Variants in RXFP2 observed in about 807,000 individuals in gnomAD.
RXFP2 encodes relaxin receptor 2.
Under a neutral mutation model 88.6 loss-of-function variants are expected in RXFP2, and 68 were observed. The observed-to-expected ratio is 0.77, with a 90% confidence interval of 0.63 to 0.94. The LOEUF (loss-of-function observed/expected upper bound fraction) is 0.94, where lower values mean the gene tolerates loss of function less well. Ranked by LOEUF, RXFP2 falls within the 40% of genes least tolerant of loss-of-function variation. RXFP2 has a pLI of 0.00. For synonymous variants in RXFP2, 329 were observed against 306.8 expected, an observed-to-expected ratio of 1.07 and a Z score of -0.76; for missense variants, 791 against 893.9, an observed-to-expected ratio of 0.88 and a Z score of 1.47.
chr13:31,792,159 T>A (rs1479363577), intron 15 of RXFP2, 124 bp downstream of exon 15: 1 of 714,714 alleles, frequency 1.4e-6, no homozygotes, highest in African/African-American at 1.8e-5. Flanking sequence ...CCTGGGCACA[T>A]TTTTTTTTCT....
chr13:31,747,241 G>C (rs375158934), intron 1 of RXFP2, among the ~76,000 whole-genome samples: 3 of 151,950 alleles, frequency 2.0e-5, no homozygotes, highest in Non-Finnish European at 4.4e-5. Flanking sequence ...AAAATTATAT[G>C]GGCCACCTTA....
Position 31,785,381 on chromosome 13 carries a change from CTG to C in RXFP2, c.930-999_930-998del, listed in dbSNP as rs1442279840. On this transcript the variant is annotated intron_variant, in intron 11 of 17. Coordinates refer to ENST00000298386, the MANE Select transcript of RXFP2 (RefSeq NM_130806.5). ...GAAAGTGTCACTGAATTCCAAGCATCTGTGGTTCAGATCATTTTTTACACCCA... is the reference window on the plus strand; with the variant it reads ...GAAAGTGTCACTGAATTCCAAGCATCTGGTTCAGATCATTTTTTACACCCA... Among the ~76,000 whole-genome samples, 8 of 152,252 alleles carry C rather than the reference CTG, an allele frequency of 5.3e-5. No homozygotes were observed. The East Asian group carries it at 1.5e-3, about 29-fold the overall frequency.
chr13:31,778,474 A>G, intron 8 of RXFP2, 38 bp from the exon 9 acceptor site: 1 of 1,366,224 alleles, frequency 7.3e-7, no homozygotes, highest in Non-Finnish European at 1.0e-6. Context: ...AAAGTGTCAT[A>G]TCATTTTATT....
chr13:31,786,985 C>A (rs988742923), intron 13 of RXFP2, among the ~76,000 whole-genome samples: 2 of 152,318 alleles, frequency 1.3e-5, no homozygotes, highest in South Asian at 2.1e-4. Context: ...GCCTGCTTTT[C>A]CCCTTTGCCC....
chr13:31,788,077 C>T (rs1873629955), intron 13 of RXFP2, among the ~76,000 whole-genome samples: 1 of 147,352 alleles, frequency 6.8e-6, no homozygotes, highest in African/African-American at 2.5e-5. Context: ...GGTTAGTAAT[C>T]AAATAATCAC....
rs771377460 is a variant in RXFP2 at position 31,791,833 on chromosome 13, C to T, written c.1173C>T (p.Ser391=). Residue 391 remains serine (S), a synonymous_variant, in exon 15 of 18, where the codon TCC becomes TCT. Transcript: ENST00000298386. ...ATTTCAAAAACTTTCGATACTGCTCCTATGCTCCCCATGTCCGAATATGTA... is the reference window on the plus strand; with the variant it reads ...ATTTCAAAAACTTTCGATACTGCTCTTATGCTCCCCATGTCCGAATATGTA... ...HIYFKNFRYC[S]YAPHVRICMP... The T allele has an allele frequency of 3.7e-6, 6 of 1,614,120 alleles. No individual in the cohort carries two copies. The East Asian group carries it at 6.7e-5, about 18-fold the overall frequency.
chr13:31,778,006 A>G (rs1873077093), intron 8 of RXFP2, among the ~76,000 whole-genome samples: 1 of 152,198 alleles, frequency 6.6e-6, no homozygotes, highest in Non-Finnish European at 1.5e-5. Context: ...GTCAAAAGGA[A>G]CCACAATATC....
chr13:31,758,368 G>A lies in RXFP2; in HGVS notation c.205G>A (p.Asp69Asn). ...CCGAGCTTTTCACTGTGATGGCAAG[G>A]ATGACTGTGGGAACGGGGCGGACGA... ...LPRAFHCDGKDDCGNGADEEN... is the reference protein window; with the variant it reads ...LPRAFHCDGKNDCGNGADEEN... The change falls in exon 2 of 18, where the codon GAT becomes AAT. Residue 69 changes from aspartate (D) to asparagine (N), a missense_variant. Coordinates refer to ENST00000298386, the MANE Select transcript of RXFP2 (RefSeq NM_130806.5). The A allele has an allele frequency of 6.2e-7, 1 of 1,614,134 alleles. No homozygotes were observed. Among genetic ancestry groups the A allele is most frequent in the South Asian group, 1.1e-5 (1 of 91,084 alleles).
intron 1 of RXFP2, among the ~76,000 whole-genome samples, chr13:31,756,481 G>C (rs536668138): frequency 2.0e-5 from 3 of 152,186 alleles, no homozygotes; most frequent in African/African-American, 7.2e-5. Flanking sequence ...AGGGAATTCT[G>C]GGTCATGATG....
At chr13:31,758,884 A>C (rs1872107917) in intron 2 of RXFP2, among the ~76,000 whole-genome samples, 1 of 151,896 alleles carries the variant, frequency 6.6e-6, no homozygotes, top group Non-Finnish European at 1.5e-5. Flanking sequence ...CTGAAAATAC[A>C]AAAAAATTAA....
At chr13:31,778,618 C>T (rs1371741892) in intron 9 of RXFP2, 35 bp downstream of exon 9, 6 of 1,421,718 alleles carry the variant, frequency 4.2e-6, no homozygotes, top group Non-Finnish European at 6.0e-6. Flanking sequence ...TTGTTATTTG[C>T]CCTGATTAAG....
Position 31,739,716 on chromosome 13 carries a change from C to T in RXFP2, c.94+10C>T. On this transcript the variant is annotated intron_variant, in intron 1 of 17. Coordinates refer to ENST00000298386, the MANE Select transcript of RXFP2 (RefSeq NM_130806.5). ...CTGATCAATGTCAAAGGTAAGGTTG[C>T]TACTTTCTCGTTTTAAATGAGTGCA... is the stretch of plus-strand genomic sequence containing the variant. The T allele has an allele frequency of 6.4e-7, 1 of 1,560,184 alleles. No homozygotes were observed. Among genetic ancestry groups the T allele is most frequent in the Non-Finnish European group, 8.8e-7 (1 of 1,131,164 alleles).
At chr13:31,791,735 C>A (rs2138456847) in intron 14 of RXFP2, 71 bp from the exon 15 acceptor site, 1 of 1,045,234 alleles carries the variant, frequency 9.6e-7, no homozygotes, top group Non-Finnish European at 1.5e-6. Context: ...GAGTTGCAGC[C>A]CCGATAGGAC....
At position 31,789,192 on chromosome 13, in the gene RXFP2, A is replaced by C; in HGVS notation, c.1144A>C (p.Ile382Leu). ...MFQPMKNLSH[I>L]YFKNFRYCSY... The stretch of plus-strand genomic sequence containing the variant: ...TCAACCCATGAAGAATCTTTCTCAC[A>C]TGTACGTATGTATAAAAAATGGAGG... The change falls in exon 14 of 18, where the codon ATT becomes CTT. Residue 382 changes from isoleucine to leucine, a missense_variant and splice_region_variant. Physicochemically the swap from Ile to Leu is conservative, Grantham distance 5 (BLOSUM62 2). Coordinates refer to ENST00000298386, the MANE Select transcript of RXFP2 (RefSeq NM_130806.5). 6.3e-7 allele frequency: 1 copy of C among 1,576,748 alleles called. No homozygotes were observed. Among genetic ancestry groups the C allele is most frequent in the Non-Finnish European group, 8.7e-7 (1 of 1,147,638 alleles).
intron 11 of RXFP2, among the ~76,000 whole-genome samples, chr13:31,785,828 A>G (rs1246464168): frequency 2.0e-5 from 3 of 152,128 alleles, no homozygotes; most frequent in Admixed American, 2.0e-4. Flanking sequence ...TGGATTGGAC[A>G]GTCCTATTAT....
In RXFP2 at chr13:31,802,738, T is replaced by G. The variant is rs938596427; in HGVS notation, c.*333T>G. On this transcript the variant is annotated 3_prime_UTR_variant, in exon 18 of 18. Coordinates refer to ENST00000298386, the MANE Select transcript of RXFP2 (RefSeq NM_130806.5). ...GGTTGGCACTGTGTGGTCTTTCACA[T>G]CGGGTTGCACTGTCCATGAAATAGA... 6 of 348,242 alleles carry G rather than the reference T, an allele frequency of 1.7e-5. No individual in the cohort carries two copies. The highest frequency in any genetic ancestry group is 1.3e-4 in the African/African-American group (6 of 47,628). 21.6% of individuals were successfully genotyped at this position (348,242 alleles called of 1,614,324 possible).
At chr13:31,750,540 C>T (rs2138390287) in intron 1 of RXFP2, among the ~76,000 whole-genome samples, 1 of 152,132 alleles carries the variant, frequency 6.6e-6, no homozygotes, top group Non-Finnish European at 1.5e-5. Flanking sequence ...ATCTAGAAAC[C>T]TCTGATCTAA....
chr13:31,786,554 T>TAAA lies in RXFP2; in HGVS notation c.1002-4_1002-2dup, dbSNP rs71941366. On this transcript the variant is annotated splice_polypyrimidine_tract_variant and intron_variant, in intron 12 of 17. Coordinates refer to ENST00000298386, the MANE Select transcript of RXFP2 (RefSeq NM_130806.5). ...CTTCTTTTCCTCTCTCATCTAATGG[T>TAAA]AAAAAAAAAAGGAACCTGTCATCCA... The TAAA allele has an allele frequency of 0.092, 136,061 of 1,478,588 alleles. 1,608 individuals carry two copies. The highest frequency in any genetic ancestry group is 0.35 in the East Asian group (14,752 of 42,512). 91.6% of individuals were successfully genotyped at this position (1,478,588 alleles called of 1,614,324 possible).
intron 1 of RXFP2, among the ~76,000 whole-genome samples, chr13:31,744,289 C>T (rs1871321746): frequency 6.6e-6 from 1 of 152,192 alleles, no homozygotes; most frequent in Non-Finnish European, 1.5e-5. Flanking sequence ...CCTTTGCCTA[C>T]AAAATCTGGT....
Sources: allele counts gnomAD v4.1 joint callset (sites outside exome capture counted in the v4.1 genomes callset), GRCh38; gene constraint gnomAD v4.1.1; transcripts MANE v1.5; gene names NCBI Gene and HGNC (gene_info 2026-07-23, HGNC 2026-07-21).